CNST: variants seen among roughly 807,000 people sequenced by gnomAD.
CNST encodes the protein consortin, connexin sorting protein.
A neutral mutation model predicts 72.4 loss-of-function variants in CNST; 39 were observed. The observed-to-expected ratio is 0.54, with a 90% CI of 0.42 to 0.70. CNST has a LOEUF of 0.70. Ranked by LOEUF, CNST falls within the 30% of genes least tolerant of loss-of-function variation. The pLI, the probability that CNST is intolerant of heterozygous loss-of-function variation, is 0.00. For synonymous variants in CNST, 332 were observed against 320.1 expected (o/e 1.04, Z -0.40); for missense variants, 871 against 868.5 (o/e 1.00, Z -0.04).
intron 2 of CNST, among the ~76,000 whole-genome samples, chr1:246,616,975 A>G (rs1001994104): frequency 6.6e-6 from 1 of 152,146 alleles, no homozygotes; most frequent in South Asian, 2.1e-4. Flanking sequence ...TGAATGCTTT[A>G]ATATTACTTT....
chr1:246,659,400 C>G (rs543193492), intron 9 of CNST, among the ~76,000 whole-genome samples: 8 of 152,286 alleles, frequency 5.3e-5, no homozygotes, highest in South Asian at 2.1e-4. Context: ...CGAGACCATC[C>G]TGGCTAACTC....
chr1:246,598,706 G>A (rs777407093), intron 2 of CNST, among the ~76,000 whole-genome samples: 30 of 152,292 alleles, frequency 2.0e-4, no homozygotes, highest in Non-Finnish European at 2.6e-4. Flanking sequence ...AGATCCCTGA[G>A]ATTGGTGGGG....
rs190366651 is a variant in CNST, at chr1:246,633,265, C to T, written c.617-659C>T. Among the ~76,000 whole-genome samples the T allele has an allele frequency of 6.0e-5, 9 of 151,124 alleles. No homozygotes were observed. The East Asian group carries it at 1.4e-3, about 23-fold the overall frequency. On this transcript the variant is annotated intron_variant, in intron 4 of 10. Coordinates refer to ENST00000366513, the MANE Select transcript of CNST (RefSeq NM_152609.3). ...AGGAGTTCAAAACCAGCCTGGCCAA[C>T]GTGGTGAAACCCCATCTTGACAAAA...
At chr1:246,653,288 G>A (rs1666588834) in intron 9 of CNST, among the ~76,000 whole-genome samples, 1 of 152,178 alleles carries the variant, frequency 6.6e-6, no homozygotes, top group Admixed American at 6.5e-5. Context: ...TAGATCACTG[G>A]GATCAGGGAA....
At chr1:246,599,759 T>C (rs931403402) in intron 2 of CNST, among the ~76,000 whole-genome samples, 2 of 152,228 alleles carry the variant, frequency 1.3e-5, no homozygotes, top group Non-Finnish European at 2.9e-5. Flanking sequence ...AAAAAGATTT[T>C]AATATAGACT....
chr1:246,635,675 C>G (rs1293918930), intron 6 of CNST, among the ~76,000 whole-genome samples: 2 of 152,170 alleles, frequency 1.3e-5, no homozygotes, highest in East Asian at 3.8e-4. Flanking sequence ...CGAGCATTTC[C>G]AGCGCTGGGG....
At chr1:246,598,814 G>T (rs1373344281) in intron 2 of CNST, among the ~76,000 whole-genome samples, 1 of 152,086 alleles carries the variant, frequency 6.6e-6, no homozygotes, top group Non-Finnish European at 1.5e-5. Flanking sequence ...AGAATGATAG[G>T]GACTGGGGTT....
chr1:246,641,014 G>A (rs571854857), intron 6 of CNST, among the ~76,000 whole-genome samples: 2 of 152,174 alleles, frequency 1.3e-5, no homozygotes, highest in South Asian at 4.2e-4. Context: ...CCACTATCTG[G>A]ACTCTATAAC....
At chr1:246,579,701 G>T (rs1342630662) in intron 1 of CNST, among the ~76,000 whole-genome samples, 1 of 152,176 alleles carries the variant, frequency 6.6e-6, no homozygotes, top group East Asian at 1.9e-4. Context: ...GTTGCAGTGA[G>T]CCAAGATTGC....
At chr1:246,605,781 CCGGGGTAG>C (rs1662723130) in intron 2 of CNST, 4 of 117,204 alleles carry the variant, frequency 3.4e-5, no homozygotes, top group East Asian at 2.5e-4. Context: ...TGTCTTCCGG[CCGGGGTAG>C]GTGTCTTCCG....
At chr1:246,595,778 A>G (rs553791133) in intron 2 of CNST, among the ~76,000 whole-genome samples, 30 of 152,314 alleles carry the variant, frequency 2.0e-4, no homozygotes, top group South Asian at 8.3e-4. Flanking sequence ...AAAAAAGAAC[A>G]TGTAAAATAA....
intron 6 of CNST, among the ~76,000 whole-genome samples, chr1:246,637,019 G>A (rs1434464957): frequency 6.6e-6 from 1 of 152,230 alleles, no homozygotes; most frequent in Non-Finnish European, 1.5e-5. Context: ...GTGAGGCACA[G>A]CATCGGATTG....
At chr1:246,566,921 A>G (rs1659736313) in intron 1 of CNST, 1 of 342,090 alleles carries the variant, frequency 2.9e-6, no homozygotes, top group Admixed American at 4.8e-5. Context: ...GACTAGCGCC[A>G]GAAGTCGTTC....
intron 1 of CNST, among the ~76,000 whole-genome samples, chr1:246,570,434 G>T (rs758500523): frequency 1.3e-5 from 2 of 152,138 alleles, no homozygotes; most frequent in Non-Finnish European, 2.9e-5. Context: ...AGCTAAATTA[G>T]CCTGAAGGCC....
At chr1:246,590,857 G>T in intron 1 of CNST, among the ~76,000 whole-genome samples, 1 of 121,376 alleles carries the variant, frequency 8.2e-6, no homozygotes. Flanking sequence ...GTTAACCATG[G>T]CCTTTTTTTT....
At chr1:246,614,166 A>G (rs1262458742) in intron 2 of CNST, among the ~76,000 whole-genome samples, 1 of 152,118 alleles carries the variant, frequency 6.6e-6, no homozygotes, top group Non-Finnish European at 1.5e-5. Context: ...ATATAGTGAG[A>G]TATCTTGAGG....
At chr1:246,645,423 A>ATT (rs762655117) in intron 8 of CNST, among the ~76,000 whole-genome samples, 7,877 of 105,230 alleles carry the variant, frequency 0.075, 882 homozygotes, top group African/African-American at 0.27. Context: ...AAAGGTTAAA[A>ATT]CTTTTTTTTT....
Position 246,664,722 on chromosome 1 carries a change from A to G in CNST, c.1973-978A>G, listed in dbSNP as rs145183000. ...ATTACAGGCGTGAGCCACCACACCC[A>G]GCCTTAACACTGTCTTTTACTCTCA... On this transcript the variant is annotated intron_variant, in intron 10 of 10. Coordinates refer to ENST00000366513, the MANE Select transcript of CNST (RefSeq NM_152609.3). 9.8e-3 allele frequency among the ~76,000 whole-genome samples: 1,496 copies of G among 152,274 alleles called. 21 individuals are homozygous for G. The highest frequency in any genetic ancestry group is 0.03 in the African/African-American group (1,265 of 41,550).
At chr1:246,586,878 CT>C (rs1661234696) in intron 1 of CNST, among the ~76,000 whole-genome samples, 1 of 152,040 alleles carries the variant, frequency 6.6e-6, no homozygotes, top group South Asian at 2.1e-4. Flanking sequence ...ACATATACAC[CT>C]GAAAACAGCT....
Sources: gnomAD v4.1 joint callset for allele counts (sites outside exome capture counted in the v4.1 genomes callset) on GRCh38, gnomAD v4.1.1 for gene constraint, MANE v1.5 for transcripts, NCBI Gene and HGNC (gene_info 2026-07-23, HGNC 2026-07-21) for gene names.